Variants in UNC5C observed in about 807,000 individuals in gnomAD.
UNC5C encodes the protein netrin receptor UNC5C.
Under a neutral mutation model 99.8 loss-of-function variants are expected in UNC5C, and 47 were observed. The observed-to-expected ratio is 0.47, with a 90% CI of 0.37 to 0.60. The LOEUF (loss-of-function observed/expected upper bound fraction) is 0.60. Ranked by LOEUF, UNC5C falls within the 20% of genes least tolerant of loss-of-function variation. UNC5C has a pLI of 0.00. For synonymous variants in UNC5C, 487 were observed against 452.2 expected, an observed-to-expected ratio of 1.08 and a Z score of -0.98; for missense variants, 1,062 against 1,165.9, an observed-to-expected ratio of 0.91 and a Z score of 1.30.
intron 1 of UNC5C, among the ~76,000 whole-genome samples, chr4:95,479,023 C>G (rs1226071679): frequency 6.6e-6 from 1 of 151,924 alleles, no homozygotes. Context: ...TTCCTGAAGC[C>G]TCACCAGAAG....
At chr4:95,397,834 T>C (rs1468612133) in intron 1 of UNC5C, among the ~76,000 whole-genome samples, 1 of 152,058 alleles carries the variant, frequency 6.6e-6, no homozygotes, top group African/African-American at 2.4e-5. Context: ...AAGCAAAGAG[T>C]AGAAATCATC....
chr4:95,433,379 T>C (rs1000883092), intron 1 of UNC5C, among the ~76,000 whole-genome samples: 1 of 152,156 alleles, frequency 6.6e-6, no homozygotes, highest in African/African-American at 2.4e-5. Flanking sequence ...TGGGATTTTG[T>C]ATGATTATTA....
intron 3 of UNC5C, among the ~76,000 whole-genome samples, chr4:95,292,095 G>A (rs907339471): frequency 6.6e-6 from 1 of 151,288 alleles, no homozygotes; most frequent in Non-Finnish European, 1.5e-5. Flanking sequence ...GCCAAGTAGA[G>A]TAGACAGGTA....
intron 1 of UNC5C, among the ~76,000 whole-genome samples, chr4:95,513,470 A>T (rs980381355): frequency 1.3e-5 from 2 of 152,186 alleles, no homozygotes; most frequent in Non-Finnish European, 2.9e-5. Flanking sequence ...ATTATTAAGT[A>T]TGACCTCTAC....
chr4:95,473,636 C>T (rs1748043805), intron 1 of UNC5C, among the ~76,000 whole-genome samples: 1 of 152,006 alleles, frequency 6.6e-6, no homozygotes, highest in East Asian at 1.9e-4. Flanking sequence ...ATCTTATTTG[C>T]AAAAAGCCTA....
rs372092450 is a variant in UNC5C, at chr4:95,190,445, A to T, written c.2137-5249T>A. Among the ~76,000 whole-genome samples the T allele has an allele frequency of 1.1e-4, 16 of 152,308 alleles. 1 individual carries two copies. The highest frequency in any genetic ancestry group is 3.1e-4 in the African/African-American group (13 of 41,564). On this transcript the variant is annotated intron_variant, in intron 12 of 15. Coordinates refer to ENST00000453304, the MANE Select transcript of UNC5C (RefSeq NM_003728.4). ...CATGGCACATGTATACATATGTAAC[A>T]AACCTGCACATTGTGCACATGTACC...
In UNC5C at chr4:95,255,029, G is replaced by A. The variant is rs185528162; in HGVS notation, c.595-4362C>T. Among the ~76,000 whole-genome samples, 195 of 151,620 alleles carry A rather than the reference G, an allele frequency of 1.3e-3. 2 individuals carry two copies. Among genetic ancestry groups the A allele is most frequent in the Non-Finnish European group, 1.9e-3 (132 of 67,922 alleles). On this transcript the variant is annotated intron_variant, in intron 4 of 15. Transcript: ENST00000453304. Reference sequence around the variant, plus strand: ...TTTTTAAGACAAAGTCTCACCGTGTGCAGTGGTACAATCTCAGCTCACTGC... The same window carrying A: ...TTTTTAAGACAAAGTCTCACCGTGTACAGTGGTACAATCTCAGCTCACTGC...
intron 1 of UNC5C, among the ~76,000 whole-genome samples, chr4:95,465,752 G>A (rs1345001915): frequency 6.6e-6 from 1 of 152,036 alleles, no homozygotes; most frequent in African/African-American, 2.4e-5. Context: ...AAGCAGTCAG[G>A]TTAAAAAAAA....
chr4:95,322,537 A>G (rs1424282690), intron 2 of UNC5C, among the ~76,000 whole-genome samples: 5 of 152,224 alleles, frequency 3.3e-5, no homozygotes, highest in Non-Finnish European at 2.9e-5. Context: ...CAGAGATTAC[A>G]TATATTATAT....
chr4:95,443,466 G>A (rs534554832), intron 1 of UNC5C, among the ~76,000 whole-genome samples: 2 of 152,134 alleles, frequency 1.3e-5, no homozygotes, highest in African/African-American at 4.8e-5. Flanking sequence ...AATGACTGAG[G>A]GTCTCTGTTA....
intron 3 of UNC5C, among the ~76,000 whole-genome samples, chr4:95,280,121 A>G (rs1741000400): frequency 6.6e-6 from 1 of 152,074 alleles, no homozygotes; most frequent in Admixed American, 6.6e-5. Flanking sequence ...TTCTCAGCCC[A>G]GGGGTTGTGA....
In UNC5C at chr4:95,220,177, C is replaced by T. The variant is rs1189655074; in HGVS notation, c.1109-1G>A. 1.2e-6 allele frequency: 2 copies of T among 1,611,310 alleles called. No individual in the cohort carries two copies. Among genetic ancestry groups the T allele is most frequent in the South Asian group, 1.1e-5 (1 of 90,594 alleles). On this transcript the variant is annotated splice_acceptor_variant, in intron 7 of 15. Coordinates refer to ENST00000453304, the MANE Select transcript of UNC5C (RefSeq NM_003728.4). LOFTEE classifies it high-confidence loss of function. The stretch of plus-strand genomic sequence containing the variant: ...GCAACATCATCTGAATCAGGAGCAG[C>T]TAGAGAGGAGAGTGAAACATTGAAC...
At chr4:95,378,620 T>C (rs570201927) in intron 1 of UNC5C, among the ~76,000 whole-genome samples, 2 of 152,244 alleles carry the variant, frequency 1.3e-5, no homozygotes, top group Middle Eastern at 3.4e-3. Flanking sequence ...AGATCTCCAA[T>C]AGATATTTAT....
intron 12 of UNC5C, among the ~76,000 whole-genome samples, chr4:95,189,062 G>C (rs1235899844): frequency 6.6e-6 from 1 of 152,134 alleles, no homozygotes; most frequent in African/African-American, 2.4e-5. Context: ...GAGAAATATC[G>C]TGACCCTGGA....
chr4:95,399,595 C>A (rs1745627593), intron 1 of UNC5C, among the ~76,000 whole-genome samples: 1 of 152,146 alleles, frequency 6.6e-6, no homozygotes, highest in Admixed American at 6.5e-5. Flanking sequence ...TTTCCATTTT[C>A]TCCGAAAGAC....
rs541322633 is a variant in UNC5C at position 95,479,101 on chromosome 4, T to A, written c.124+69633A>T. ...CTCTTTTCTTATAAATTACCCAGCC[T>A]CAGGTACTCCTTTATGGAAAAACAA... On this transcript the variant is annotated intron_variant, in intron 1 of 15. Coordinates refer to ENST00000453304, the MANE Select transcript of UNC5C (RefSeq NM_003728.4). 7.2e-5 allele frequency among the ~76,000 whole-genome samples: 11 copies of A among 152,086 alleles called. No individual in the cohort carries two copies. In the East Asian group the frequency reaches 2.1e-3, roughly 30 times the overall value.
At chr4:95,228,153 G>T (rs1003608027) in intron 7 of UNC5C, among the ~76,000 whole-genome samples, 2 of 152,160 alleles carry the variant, frequency 1.3e-5, no homozygotes, top group Non-Finnish European at 2.9e-5. Flanking sequence ...TAGCCTGTCT[G>T]GTGGGTTTAT....
intron 1 of UNC5C, among the ~76,000 whole-genome samples, chr4:95,358,279 T>C (rs1433895651): frequency 1.3e-5 from 2 of 152,170 alleles, no homozygotes; most frequent in African/African-American, 4.8e-5. Flanking sequence ...AAAATCATAG[T>C]TTCCTTGTGG....
chr4:95,423,118 C>T (rs1363542535), intron 1 of UNC5C, among the ~76,000 whole-genome samples: 1 of 152,152 alleles, frequency 6.6e-6, no homozygotes. Flanking sequence ...CTTGACAAGC[C>T]CCATTGCAAC....
Sources: allele counts gnomAD v4.1 joint callset (sites outside exome capture counted in the v4.1 genomes callset), GRCh38; gene constraint gnomAD v4.1.1; transcripts MANE v1.5; gene names NCBI Gene and HGNC (gene_info 2026-07-23, HGNC 2026-07-21).